IGSF21: variants seen among roughly 807,000 people sequenced by gnomAD.
IGSF21 encodes the protein immunoglobulin superfamily member 21.
In IGSF21, 28 loss-of-function variants were observed where a neutral mutation model predicts 46.8. The ratio of observed to expected loss-of-function variants is 0.60; its 90% CI spans 0.44 to 0.82. The LOEUF (loss-of-function observed/expected upper bound fraction) is 0.82, where lower values mean the gene tolerates loss of function less well. Ranked by LOEUF, IGSF21 falls within the 40% of genes least tolerant of loss-of-function variation. IGSF21 has a pLI of 0.00. For synonymous variants in IGSF21, 284 were observed against 273.6 expected (o/e 1.04, Z -0.38); for missense variants, 624 against 665.5 (o/e 0.94, Z 0.69).
intron 2 of IGSF21, among the ~76,000 whole-genome samples, chr1:18,248,506 G>A (rs1569626398): frequency 6.6e-6 from 1 of 152,108 alleles, no homozygotes; most frequent in Non-Finnish European, 1.5e-5. Context: ...TCAGAGGGTA[G>A]GAGCTGGGAA....
intron 1 of IGSF21, among the ~76,000 whole-genome samples, chr1:18,138,750 C>A (rs2124423238): frequency 6.6e-6 from 1 of 152,298 alleles, no homozygotes; most frequent in South Asian, 2.1e-4. Context: ...TGCAAGATGC[C>A]AGCTTGGCAT....
At chr1:18,245,044 G>T (rs992317067) in intron 2 of IGSF21, among the ~76,000 whole-genome samples, 3 of 152,130 alleles carry the variant, frequency 2.0e-5, no homozygotes, top group Non-Finnish European at 1.5e-5. Context: ...TATACTTATT[G>T]AACTGATTAT....
At chr1:18,260,656 C>A (rs560599126) in intron 2 of IGSF21, among the ~76,000 whole-genome samples, 5 of 152,190 alleles carry the variant, frequency 3.3e-5, no homozygotes, top group African/African-American at 9.7e-5. Context: ...TGGAAGGGGG[C>A]AGTAACTTCT....
At chr1:18,285,202 TTC>T (rs1007270021) in intron 2 of IGSF21, among the ~76,000 whole-genome samples, 8 of 151,742 alleles carry the variant, frequency 5.3e-5, no homozygotes, top group African/African-American at 1.9e-4. Flanking sequence ...TTTTTTTTTT[TTC>T]TTTTTCGGAT....
In IGSF21 at chr1:18,376,401, CCT is replaced by C; in HGVS notation, c.1101+13_1101+14del. On this transcript the variant is annotated splice_region_variant and intron_variant, in intron 7 of 9. Coordinates refer to ENST00000251296, the MANE Select transcript of IGSF21 (RefSeq NM_032880.5). ...TTCTGGTCCATGGGTTTCAGGTCAG[CCT>C]CTCTCTGAGCATCTGGGAGGGTGGT... is the stretch of plus-strand genomic sequence containing the variant. 6.2e-7 allele frequency: 1 copy of C among 1,608,236 alleles called. No individual in the cohort carries two copies. Among genetic ancestry groups the C allele is most frequent in the Non-Finnish European group, 8.5e-7 (1 of 1,174,712 alleles).
At position 18,196,657 on chromosome 1, in the gene IGSF21, A is replaced by G. The variant is rs189040526; in HGVS notation, c.71-31241A>G. Reference sequence around the variant, plus strand: ...TGTTTTATCTCATCAGAGCCACATAATGGCCCCATGAGGTGGTGCTCTTCT... The same window carrying G: ...TGTTTTATCTCATCAGAGCCACATAGTGGCCCCATGAGGTGGTGCTCTTCT... On this transcript the variant is annotated intron_variant, in intron 1 of 9. Transcript: ENST00000251296. 3.3e-5 allele frequency among the ~76,000 whole-genome samples: 5 copies of G among 152,292 alleles called. No individual in the cohort carries two copies. In the East Asian group the frequency reaches 9.7e-4, roughly 29 times the overall value.
intron 1 of IGSF21, among the ~76,000 whole-genome samples, chr1:18,123,903 C>T (rs930481143): frequency 6.6e-6 from 1 of 152,284 alleles, no homozygotes; most frequent in East Asian, 1.9e-4. Flanking sequence ...CTGTAGGCCC[C>T]CTGGCCCACT....
intron 4 of IGSF21, among the ~76,000 whole-genome samples, chr1:18,336,193 A>G (rs2085764130): frequency 6.6e-6 from 1 of 152,230 alleles, no homozygotes; most frequent in Non-Finnish European, 1.5e-5. Flanking sequence ...GAGATTTTGC[A>G]GGAGACAAGC....
rs551131178 is a variant in IGSF21 at position 18,139,513 on chromosome 1, C to T, written c.70+31315C>T. On this transcript the variant is annotated intron_variant, in intron 1 of 9. Coordinates refer to ENST00000251296, the MANE Select transcript of IGSF21 (RefSeq NM_032880.5). Reference sequence around the variant, plus strand: ...CCATTCCAGAGCCCAGGGCCTTCCCCTCTGTCTTCATTTTTCACCACCCTC... The same window carrying T: ...CCATTCCAGAGCCCAGGGCCTTCCCTTCTGTCTTCATTTTTCACCACCCTC... 2.6e-5 allele frequency among the ~76,000 whole-genome samples: 4 copies of T among 152,346 alleles called. No homozygotes were observed. In the South Asian group the frequency reaches 8.3e-4, roughly 32 times the overall value.
At chr1:18,341,823 T>C (rs1454819728) in intron 4 of IGSF21, among the ~76,000 whole-genome samples, 1 of 152,128 alleles carries the variant, frequency 6.6e-6, no homozygotes, top group Non-Finnish European at 1.5e-5. Flanking sequence ...GGGATCCTTG[T>C]CTCTCTTCTG....
At chr1:18,126,501 G>C (rs957556937) in intron 1 of IGSF21, among the ~76,000 whole-genome samples, 18 of 152,104 alleles carry the variant, frequency 1.2e-4, no homozygotes, top group African/African-American at 1.7e-4. Context: ...CTCTTTCCAA[G>C]CTGGGAGGGA....
At chr1:18,205,843 C>T (rs1257925981) in intron 1 of IGSF21, among the ~76,000 whole-genome samples, 1 of 152,166 alleles carries the variant, frequency 6.6e-6, no homozygotes, top group East Asian at 1.9e-4. Context: ...TAAATGCTTG[C>T]CCTGTATGAT....
intron 1 of IGSF21, among the ~76,000 whole-genome samples, chr1:18,157,624 A>ATGTG (rs1171309977): frequency 6.6e-6 from 1 of 152,202 alleles, no homozygotes; most frequent in East Asian, 1.9e-4. Context: ...ACGTTAAGCA[A>ATGTG]GACTGCAACC....
At chr1:18,375,770 A>G (rs1322450030) in intron 6 of IGSF21, among the ~76,000 whole-genome samples, 1 of 152,152 alleles carries the variant, frequency 6.6e-6, no homozygotes, top group Non-Finnish European at 1.5e-5. Flanking sequence ...ACCTTTGGCA[A>G]ATCACTTCAT....
intron 1 of IGSF21, among the ~76,000 whole-genome samples, chr1:18,204,519 T>C (rs898783652): frequency 6.6e-6 from 1 of 152,204 alleles, no homozygotes; most frequent in Non-Finnish European, 1.5e-5. Context: ...AGTTCACCTC[T>C]TGGGTTACCA....
At chr1:18,271,908 G>A (rs898936594) in intron 2 of IGSF21, among the ~76,000 whole-genome samples, 2 of 152,184 alleles carry the variant, frequency 1.3e-5, no homozygotes, top group African/African-American at 4.8e-5. Context: ...TGGACCAACA[G>A]GGTGTCATTG....
chr1:18,201,938 G>C (rs1370528329), intron 1 of IGSF21, among the ~76,000 whole-genome samples: 2 of 152,110 alleles, frequency 1.3e-5, no homozygotes, highest in East Asian at 3.9e-4. Context: ...TATCAAATCT[G>C]TGATTTCAGT....
chr1:18,117,919 T>C (rs1459054284), intron 1 of IGSF21, among the ~76,000 whole-genome samples: 4 of 152,302 alleles, frequency 2.6e-5, no homozygotes, highest in Admixed American at 2.0e-4. Flanking sequence ...CTGAGCATGA[T>C]GTGGGGGGCA....
intron 3 of IGSF21, among the ~76,000 whole-genome samples, chr1:18,301,201 T>C (rs2085358026): frequency 6.6e-6 from 1 of 152,120 alleles, no homozygotes; most frequent in Admixed American, 6.5e-5. Context: ...GGTCGTGCAG[T>C]GGGAAGCCTG....
Sources: gnomAD v4.1 joint callset for allele counts (sites outside exome capture counted in the v4.1 genomes callset) on GRCh38, gnomAD v4.1.1 for gene constraint, MANE v1.5 for transcripts, NCBI Gene and HGNC (gene_info 2026-07-23, HGNC 2026-07-21) for gene names.